The following RFLNA variants were observed in gnomAD, a reference collection of about 807,000 sequenced individuals.
RFLNA encodes the protein refilin A, also known as refilin-A.
In RFLNA, 5 loss-of-function variants were observed where a neutral mutation model predicts 7.8. The ratio of observed to expected loss-of-function variants is 0.64; its 90% confidence interval spans 0.34 to 1.35. The LOEUF is 1.35. RFLNA is among the 40% of genes most tolerant of loss of function. RFLNA has a pLI of 0.04. For synonymous variants in RFLNA, 141 were observed against 131.3 expected, an observed-to-expected ratio of 1.07 and a Z score of -0.50; for missense variants, 278 against 305.5, an observed-to-expected ratio of 0.91 and a Z score of 0.67.
At chr12:124,300,785 T>A (rs1466188021) in intron 1 of RFLNA, among the ~76,000 whole-genome samples, 1 of 119,256 alleles carries the variant, frequency 8.4e-6, no homozygotes, top group Non-Finnish European at 1.7e-5. Context: ...GACGGATGGA[T>A]GGATGGATGG....
chr12:124,297,656 C>T (rs1173194526), intron 1 of RFLNA, among the ~76,000 whole-genome samples: 2 of 151,482 alleles, frequency 1.3e-5, no homozygotes, highest in Non-Finnish European at 1.5e-5. Flanking sequence ...TCATATTATC[C>T]CCCTTTTCAC....
chr12:124,290,116 A>G (rs779816763), upstream of RFLNA, among the ~76,000 whole-genome samples: 1 of 152,206 alleles, frequency 6.6e-6, no homozygotes, highest in Non-Finnish European at 1.5e-5. This position sits in a 1 kb window ranked among gnomAD's most constrained non-coding sequence, Gnocchi z 4.0. Context: ...TTCCCTAAAA[A>G]TAGGCAAGAG....
upstream of RFLNA, among the ~76,000 whole-genome samples, chr12:124,292,486 G>C (rs1300797568): frequency 6.6e-6 from 1 of 152,160 alleles, no homozygotes; most frequent in Non-Finnish European, 1.5e-5. Context: ...AGACCATCTG[G>C]TGCTGTGAGA....
upstream of RFLNA, among the ~76,000 whole-genome samples, chr12:124,294,324 A>G (rs1456814992): frequency 6.6e-6 from 1 of 151,510 alleles, no homozygotes; most frequent in African/African-American, 2.4e-5. Flanking sequence ...GTCCGTGGAC[A>G]CCCCCAGCTG....
At chr12:124,297,672 A>T (rs1275371907) in intron 1 of RFLNA, among the ~76,000 whole-genome samples, 1 of 137,550 alleles carries the variant, frequency 7.3e-6, no homozygotes, top group Non-Finnish European at 1.6e-5. Context: ...TTCACTGTGC[A>T]GCTAATTAAC....
At chr12:124,298,931 A>G (rs1383409593) in intron 1 of RFLNA, among the ~76,000 whole-genome samples, 1 of 152,234 alleles carries the variant, frequency 6.6e-6, no homozygotes, top group East Asian at 1.9e-4. Flanking sequence ...AATCTCAGAA[A>G]TCACCACTAA....
chr12:124,293,487 T>A (rs1345545581), upstream of RFLNA, among the ~76,000 whole-genome samples: 5 of 152,026 alleles, frequency 3.3e-5, no homozygotes, highest in Non-Finnish European at 7.4e-5. Flanking sequence ...ACCGCTTTCG[T>A]CCTAGTCAGT....
intron 2 of RFLNA, among the ~76,000 whole-genome samples, chr12:124,312,289 C>A (rs1457839503): frequency 2.0e-5 from 3 of 150,990 alleles, no homozygotes; most frequent in African/African-American, 7.3e-5. Flanking sequence ...CTTGTGCACC[C>A]TAACTCTACC....
upstream of RFLNA, among the ~76,000 whole-genome samples, chr12:124,292,388 A>G (rs2033837275): frequency 6.6e-6 from 1 of 152,184 alleles, no homozygotes; most frequent in South Asian, 2.1e-4. Context: ...GACTGGCCAC[A>G]AGAGCCTCCT....
At position 124,314,949 on chromosome 12, in the gene RFLNA, T is replaced by G; in HGVS notation, c.*424T>G. 2 of 346,142 alleles carry G rather than the reference T, an allele frequency of 5.8e-6. No homozygotes were observed. Among genetic ancestry groups the G allele is most frequent in the Non-Finnish European group, 1.1e-5 (2 of 175,592 alleles). The allele number at this position is 346,142 out of a possible 1,614,324, so 21.4% of individuals were successfully genotyped here. On this transcript the variant is annotated 3_prime_UTR_variant, in exon 3 of 3. Coordinates refer to ENST00000546355, the MANE Select transcript of RFLNA (RefSeq NM_001365156.1). ...TCCCCCAGAGCCCTGCCACCCCATG[T>G]GTCCTAGGCTGGTGGCCAAGGCCAT...
chr12:124,308,135 C>T (rs1417284219), intron 1 of RFLNA, among the ~76,000 whole-genome samples: 1 of 152,164 alleles, frequency 6.6e-6, no homozygotes, highest in Non-Finnish European at 1.5e-5. Context: ...GCGTGCACCA[C>T]CATACCTGGC....
chr12:124,311,995 T>G, intron 2 of RFLNA, 68 bp downstream of exon 2: 18 of 1,409,596 alleles, frequency 1.3e-5, no homozygotes, highest in African/African-American at 3.0e-5. Flanking sequence ...CTGACTCTCT[T>G]GTGGGATGGG....
In RFLNA at chr12:124,314,581, G is replaced by A. The variant is rs779301813; in HGVS notation, c.*56G>A. On this transcript the variant is annotated 3_prime_UTR_variant, in exon 3 of 3. Coordinates refer to ENST00000546355, the MANE Select transcript of RFLNA (RefSeq NM_001365156.1). ...GAGCCGGGAGCCCTGGGGAGAAGCCGGGAGGATGGACACGATGAGCTCGGC... is the reference window on the plus strand; with the variant it reads ...GAGCCGGGAGCCCTGGGGAGAAGCCAGGAGGATGGACACGATGAGCTCGGC... 6.4e-5 allele frequency: 98 copies of A among 1,535,724 alleles called. No individual in the cohort carries two copies. Among genetic ancestry groups the A allele is most frequent in the Non-Finnish European group, 8.2e-5 (94 of 1,146,682 alleles).
In RFLNA at chr12:124,303,309, G is replaced by A. The variant is rs144712283; in HGVS notation, c.207+7673G>A. 1.4e-4 allele frequency among the ~76,000 whole-genome samples: 21 copies of A among 152,330 alleles called. No homozygotes were observed. In the East Asian group the frequency reaches 3.1e-3, roughly 22 times the overall value. On this transcript the variant is annotated intron_variant, in intron 1 of 2. Transcript: ENST00000546355. ...GTGTACTTTGACTTCCAGCCAGCGA[G>A]TGTTCATCCCCACCCCAGCGGCTCC...
intron 1 of RFLNA, among the ~76,000 whole-genome samples, chr12:124,300,051 TG>T (rs1375259597): frequency 5.3e-5 from 8 of 152,224 alleles, no homozygotes; most frequent in African/African-American, 1.9e-4. Context: ...AAGTGGCATT[TG>T]GGATCTTACA....
chr12:124,308,136 C>T (rs2034170309), intron 1 of RFLNA, among the ~76,000 whole-genome samples: 1 of 152,156 alleles, frequency 6.6e-6, no homozygotes, highest in African/African-American at 2.4e-5. Flanking sequence ...CGTGCACCAC[C>T]ATACCTGGCT....
chr12:124,302,490 C>T (rs1194285124), intron 1 of RFLNA, among the ~76,000 whole-genome samples: 5 of 152,080 alleles, frequency 3.3e-5, no homozygotes, highest in Non-Finnish European at 5.9e-5. Flanking sequence ...TGTGTCCTTT[C>T]GATAATCACA....
chr12:124,300,051 T>A (rs554618790), intron 1 of RFLNA, among the ~76,000 whole-genome samples: 9 of 152,342 alleles, frequency 5.9e-5, no homozygotes, highest in African/African-American at 2.2e-4. Context: ...AAGTGGCATT[T>A]GGGATCTTAC....
intron 1 of RFLNA, among the ~76,000 whole-genome samples, chr12:124,299,285 C>T (rs1485087224): frequency 6.6e-6 from 1 of 152,248 alleles, no homozygotes; most frequent in East Asian, 1.9e-4. Flanking sequence ...CAGAGCCTGC[C>T]CACTGGGCCT....
Sources: gnomAD v4.1 joint callset for allele counts (sites outside exome capture counted in the v4.1 genomes callset) on GRCh38, gnomAD v4.1.1 for gene constraint, Gnocchi (gnomAD v3.1) non-coding constraint, MANE v1.5 for transcripts, NCBI Gene and HGNC (gene_info 2026-07-23, HGNC 2026-07-21) for gene names.